STPG2: variants seen among roughly 807,000 people sequenced by gnomAD.
The protein encoded by STPG2 is sperm tail PG-rich repeat containing 2, also known as sperm-tail PG-rich repeat-containing protein 2.
A neutral mutation model predicts 54.2 loss-of-function variants in STPG2; 56 were observed. That is an observed-to-expected ratio of 1.03 (90% CI 0.83 to 1.29). STPG2 has a LOEUF of 1.29. Among genes scored for constraint, STPG2 ranks in the 50% most tolerant of loss-of-function variants. The probability of loss-of-function intolerance (pLI) is 0.00; values close to 1 mark genes in which losing one functional copy is unlikely to be tolerated. For missense variants in STPG2, 596 were observed against 544.9 expected, an observed-to-expected ratio of 1.09 and a Z score of -0.93; for synonymous variants, 200 against 181.8, an observed-to-expected ratio of 1.10 and a Z score of -0.81.
At chr4:97,899,277 A>T (rs1244441731) in intron 8 of STPG2, among the ~76,000 whole-genome samples, 2 of 151,992 alleles carry the variant, frequency 1.3e-5, no homozygotes, top group African/African-American at 2.4e-5. Context: ...GAGGTGAAAT[A>T]TCTCTACAAT....
At chr4:98,031,419 C>A (rs766961728) in intron 5 of STPG2, among the ~76,000 whole-genome samples, 4 of 152,138 alleles carry the variant, frequency 2.6e-5, no homozygotes. Context: ...TGGCTCACAC[C>A]TGTAATCCCA....
rs753526659 is a variant in STPG2 at position 98,143,162 on chromosome 4, T to C, written c.-12A>G. The C allele has an allele frequency of 5.0e-6, 8 of 1,606,258 alleles. No homozygotes were observed. The South Asian group carries it at 8.8e-5, about 18-fold the overall frequency. ...GCCCGATCATACATAGTGCTCGGGG[T>C]GGTGGGGGCGCTGGGGAAGGGCAGG... On this transcript the variant is annotated 5_prime_UTR_variant, in exon 1 of 11. Transcript: ENST00000295268.
chr4:97,685,683 T>C (rs903379075), intron 10 of STPG2, among the ~76,000 whole-genome samples: 1 of 152,160 alleles, frequency 6.6e-6, no homozygotes, highest in African/African-American at 2.4e-5. Flanking sequence ...TAAACACTAA[T>C]GTAAATTATG....
At chr4:97,805,680 T>C (rs1727537760) in intron 9 of STPG2, among the ~76,000 whole-genome samples, 1 of 152,160 alleles carries the variant, frequency 6.6e-6, no homozygotes, top group Non-Finnish European at 1.5e-5. Flanking sequence ...CTTTGTTGAA[T>C]GAATAGTTTG....
intron 8 of STPG2, among the ~76,000 whole-genome samples, chr4:97,856,234 T>C (rs1169952253): frequency 6.6e-6 from 1 of 152,202 alleles, no homozygotes; most frequent in Non-Finnish European, 1.5e-5. Context: ...GGAAATAGCA[T>C]TGAATCTATA....
intron 8 of STPG2, among the ~76,000 whole-genome samples, chr4:97,910,328 CG>C (rs1385841000): frequency 6.6e-6 from 1 of 152,082 alleles, no homozygotes. Flanking sequence ...ATGGAAAGGT[CG>C]GGGAAAATAA....
At chr4:97,539,402 G>GAC (rs1731633573) in intron 4 of STPG2, among the ~76,000 whole-genome samples, 1 of 152,190 alleles carries the variant, frequency 6.6e-6, no homozygotes, top group Admixed American at 6.5e-5. Flanking sequence ...CCTAGTCTCT[G>GAC]ATAAAATAGA....
chr4:97,914,395 T>A (rs987749055), intron 8 of STPG2, among the ~76,000 whole-genome samples: 1 of 152,116 alleles, frequency 6.6e-6, no homozygotes, highest in Non-Finnish European at 1.5e-5. Context: ...AATAAAATAC[T>A]AGGTCATGAA....
At chr4:97,503,063 G>C (rs1328669771) in intron 4 of STPG2, among the ~76,000 whole-genome samples, 1 of 151,918 alleles carries the variant, frequency 6.6e-6, no homozygotes, top group Non-Finnish European at 1.5e-5. Flanking sequence ...GGTTACCCAA[G>C]GGATAGTTCA....
chr4:97,993,377 A>G (rs1310644881), intron 5 of STPG2, among the ~76,000 whole-genome samples: 1 of 152,114 alleles, frequency 6.6e-6, no homozygotes, highest in East Asian at 1.9e-4. Context: ...AGTATATCAC[A>G]TTTATTGACT....
chr4:98,002,307 C>A (rs1349132996), intron 5 of STPG2, among the ~76,000 whole-genome samples: 3 of 151,888 alleles, frequency 2.0e-5, no homozygotes, highest in African/African-American at 7.2e-5. Flanking sequence ...TCAAATAATA[C>A]CTGATAGCGT....
chr4:97,837,345 A>G (rs2149118353), intron 9 of STPG2, among the ~76,000 whole-genome samples: 1 of 151,814 alleles, frequency 6.6e-6, no homozygotes, highest in East Asian at 1.9e-4. Flanking sequence ...GAGGCTCCTC[A>G]ATTTTCCACA....
intron 8 of STPG2, among the ~76,000 whole-genome samples, chr4:97,893,952 G>A (rs545892146): frequency 2.6e-5 from 4 of 151,902 alleles, no homozygotes; most frequent in South Asian, 2.1e-4. Flanking sequence ...GGTAAAAGTC[G>A]ATGGGGTATG....
intron 9 of STPG2, among the ~76,000 whole-genome samples, chr4:97,741,521 AAAAC>A (rs1388104146): frequency 1.3e-5 from 2 of 152,058 alleles, no homozygotes; most frequent in African/African-American, 4.8e-5. Flanking sequence ...TTACAAGAAA[AAAAC>A]AAACAACCCC....
At chr4:97,632,227 T>C (rs1223881958) in intron 10 of STPG2, among the ~76,000 whole-genome samples, 2 of 151,594 alleles carry the variant, frequency 1.3e-5, no homozygotes, top group Non-Finnish European at 2.9e-5. Flanking sequence ...CAAGTAATAA[T>C]AGATTTTTTT....
chr4:97,687,966 T>G lies in STPG2; in HGVS notation c.1320+24733A>C, dbSNP rs186333245. Among the ~76,000 whole-genome samples the G allele has an allele frequency of 1.7e-3, 263 of 152,302 alleles. 2 individuals are homozygous for G. The highest frequency in any genetic ancestry group is 5.4e-3 in the African/African-American group (226 of 41,588). On this transcript the variant is annotated intron_variant, in intron 10 of 10. Coordinates refer to ENST00000295268, the MANE Select transcript of STPG2 (RefSeq NM_174952.3). Reference sequence around the variant, plus strand: ...AAACTCCCAAATTTTATGACTTAAATGCAATCTTCATAAATGTATATAACC... The same window carrying G: ...AAACTCCCAAATTTTATGACTTAAAGGCAATCTTCATAAATGTATATAACC...
intron 9 of STPG2, among the ~76,000 whole-genome samples, chr4:97,811,204 A>G (rs1727730075): frequency 6.6e-6 from 1 of 152,182 alleles, no homozygotes; most frequent in Non-Finnish European, 1.5e-5. Flanking sequence ...ACTTAAAAAA[A>G]AAAAAATCCG....
intron 4 of STPG2, among the ~76,000 whole-genome samples, chr4:97,484,994 T>C (rs558187514): frequency 6.9e-4 from 105 of 151,900 alleles, no homozygotes; most frequent in African/African-American, 2.5e-3. Context: ...AAAAAGCATT[T>C]GACAACATCC....
chr4:98,056,081 C>G (rs996149837), intron 5 of STPG2, among the ~76,000 whole-genome samples: 1 of 152,142 alleles, frequency 6.6e-6, no homozygotes, highest in Non-Finnish European at 1.5e-5. Flanking sequence ...ACTTGCAACA[C>G]CAGCACATGT....
Sources: gnomAD v4.1 joint callset for allele counts (sites outside exome capture counted in the v4.1 genomes callset) on GRCh38, gnomAD v4.1.1 for gene constraint, MANE v1.5 for transcripts, NCBI Gene and HGNC (gene_info 2026-07-23, HGNC 2026-07-21) for gene names.